The following COL27A1 variants were observed in gnomAD, a reference collection of about 807,000 sequenced individuals.
The protein encoded by COL27A1 is collagen type XXVII alpha 1 chain.
Under a neutral mutation model 251.3 loss-of-function variants are expected in COL27A1, and 106 were observed. The ratio of observed to expected loss-of-function variants is 0.42; its 90% CI spans 0.36 to 0.50. The LOEUF (loss-of-function observed/expected upper bound fraction) is 0.50. Among genes scored for constraint, COL27A1 ranks in the 20% least tolerant of loss-of-function variants. The pLI, the probability that COL27A1 is intolerant of heterozygous loss-of-function variation, is 0.00. For synonymous variants in COL27A1, 1,000 were observed against 986.3 expected, an observed-to-expected ratio of 1.01 and a Z score of -0.26; for missense variants, 2,325 against 2,522.8, an observed-to-expected ratio of 0.92 and a Z score of 1.68.
chr9:114,163,975 G>A (rs73656004), intron 2 of COL27A1, among the ~76,000 whole-genome samples: 20,433 of 152,054 alleles, frequency 0.13, 1,725 homozygotes, highest in East Asian at 0.38. Context: ...TCATTCCCCT[G>A]TCCCCCATCT....
chr9:114,228,013 G>A (rs1276409024), intron 14 of COL27A1, among the ~76,000 whole-genome samples: 1 of 152,118 alleles, frequency 6.6e-6, no homozygotes, highest in Non-Finnish European at 1.5e-5. Context: ...ACCTTCTCCG[G>A]GTGTGGCCTG....
intron 37 of COL27A1, among the ~76,000 whole-genome samples, chr9:114,278,816 G>T (rs1835726092): frequency 6.6e-6 from 1 of 151,960 alleles, no homozygotes; most frequent in South Asian, 2.1e-4. Flanking sequence ...GAGTCTCTTT[G>T]GCATCAGGAT....
chr9:114,217,975 G>A (rs1040890826), intron 12 of COL27A1: 5 of 373,282 alleles, frequency 1.3e-5, no homozygotes, highest in African/African-American at 4.2e-5. Context: ...TTAGCCAGGT[G>A]TAGTGGTGTG....
At chr9:114,166,266 TCCATCCAC>T (rs376023106) in intron 2 of COL27A1, among the ~76,000 whole-genome samples, 34,651 of 146,052 alleles carry the variant, frequency 0.24, 4,273 homozygotes, top group Middle Eastern at 0.33. Context: ...TGTCCATCCA[TCCATCCAC>T]CCATCCATCC....
At chr9:114,224,188 C>G (rs7873541) in intron 14 of COL27A1, among the ~76,000 whole-genome samples, 89,616 of 152,096 alleles carry the variant, frequency 0.59, 28,344 homozygotes, top group South Asian at 0.8. Flanking sequence ...AATTCGAGAA[C>G]TCTCTAGAAG....
intron 23 of COL27A1, among the ~76,000 whole-genome samples, chr9:114,245,152 T>C (rs1055175265): frequency 5.5e-5 from 7 of 126,658 alleles, no homozygotes; most frequent in African/African-American, 2.1e-4. Flanking sequence ...ATTCTTGTTT[T>C]TTTTTTTTTT....
At position 114,258,568 on chromosome 9, in the gene COL27A1, G is replaced by A. The variant is rs542176440; in HGVS notation, c.3169G>A (p.Gly1057Ser). 6.2e-7 allele frequency: 1 copy of A among 1,614,146 alleles called. No homozygotes were observed. Among genetic ancestry groups the A allele is most frequent in the South Asian group, 1.1e-5 (1 of 91,052 alleles). ...TCCTCCAGGATCTCGAGGCCCACCAGGCATGAGGGGAGCAAAGGGACGTCG... is the reference window on the plus strand; with the variant it reads ...TCCTCCAGGATCTCGAGGCCCACCAAGCATGAGGGGAGCAAAGGGACGTCG... The part of the protein sequence containing the change: ...QGPPGSRGPP[G>S]MRGAKGRRGP... The change falls in exon 28 of 61, where the codon GGC becomes AGC. Residue 1057 changes from glycine to serine, a missense_variant. This residue lies in a region of COL27A1 where 662 missense variants were observed against 795.3 expected (regional missense o/e 0.83). Transcript: ENST00000356083.
chr9:114,259,800 G>A (rs1834185285), intron 28 of COL27A1, among the ~76,000 whole-genome samples: 1 of 152,206 alleles, frequency 6.6e-6, no homozygotes, highest in Non-Finnish European at 1.5e-5. Context: ...GGTGCAGGTG[G>A]TGCCGGCAGC....
At position 114,233,909 on chromosome 9, in the gene COL27A1, G is replaced by A. The variant is rs564651661; in HGVS notation, c.2566-1690G>A. On this transcript the variant is annotated intron_variant, in intron 16 of 60. Transcript: ENST00000356083. ...GGGAGGAGCCTTAAGGCTGTGTTCC[G>A]ATCAGCCACGCACACATCCGTGTCC... is the stretch of plus-strand genomic sequence containing the variant. Among the ~76,000 whole-genome samples the A allele has an allele frequency of 4.6e-5, 7 of 152,230 alleles. No individual in the cohort carries two copies. The South Asian group carries it at 1.2e-3, about 27-fold the overall frequency.
chr9:114,157,341 A>G (rs1848192603), intron 1 of COL27A1, among the ~76,000 whole-genome samples: 1 of 152,208 alleles, frequency 6.6e-6, no homozygotes, highest in South Asian at 2.1e-4. Flanking sequence ...CTCTGGCGCC[A>G]GCATACCTCT....
chr9:114,223,311 C>T (rs1313308555), intron 14 of COL27A1, among the ~76,000 whole-genome samples: 1 of 152,192 alleles, frequency 6.6e-6, no homozygotes. Context: ...TCCAGCTTTA[C>T]CACTCCAGCA....
chr9:114,301,893 G>A (rs545140261), intron 55 of COL27A1, among the ~76,000 whole-genome samples, 176 bp downstream of exon 55: 2 of 152,272 alleles, frequency 1.3e-5, no homozygotes, highest in East Asian at 1.9e-4. Flanking sequence ...CCTACGTGGG[G>A]TAACACCTAG....
rs956232162 is a variant in COL27A1 at position 114,288,725 on chromosome 9, C to T, written c.4068C>T (p.Asp1356=). The change falls in exon 43 of 61, where the codon GAC becomes GAT. Residue 1356 remains aspartate (D), a synonymous_variant. Coordinates refer to ENST00000356083, the MANE Select transcript of COL27A1 (RefSeq NM_032888.4). The part of the protein sequence containing the change: ...GDRGPVGDRG[D]RGEPGDPGYP... Reference sequence around the variant, plus strand: ...AGGGCCCTGTGGGTGATCGAGGAGACCGCGGGGAACCGGGAGACCCTGGGT... The same window carrying T: ...AGGGCCCTGTGGGTGATCGAGGAGATCGCGGGGAACCGGGAGACCCTGGGT... The T allele has an allele frequency of 6.8e-6, 11 of 1,610,478 alleles. No individual in the cohort carries two copies. In the East Asian group the frequency reaches 2.0e-4, roughly 29 times the overall value.
chr9:114,199,938 A>G (rs1269761834), intron 7 of COL27A1, among the ~76,000 whole-genome samples: 6 of 152,064 alleles, frequency 3.9e-5, no homozygotes, highest in African/African-American at 1.4e-4. Flanking sequence ...CAAAACTGCT[A>G]CTCAAATCAA....
intron 23 of COL27A1, among the ~76,000 whole-genome samples, chr9:114,245,404 G>C (rs1216842724): frequency 6.6e-6 from 1 of 152,110 alleles, no homozygotes; most frequent in East Asian, 1.9e-4. Flanking sequence ...TGATTCGCCT[G>C]CCTCGGGTTC....
intron 19 of COL27A1, among the ~76,000 whole-genome samples, chr9:114,239,515 A>G (rs1159817045): frequency 2.6e-5 from 4 of 152,200 alleles, no homozygotes; most frequent in African/African-American, 7.2e-5. Flanking sequence ...CAGGTCTCCA[A>G]ATTGTGCAAA....
chr9:114,236,177 TC>T (rs951569819), intron 17 of COL27A1, among the ~76,000 whole-genome samples: 3 of 152,032 alleles, frequency 2.0e-5, no homozygotes, highest in Non-Finnish European at 4.4e-5. Context: ...GAGCCCTTTT[TC>T]CCCACCTGCT....
chr9:114,191,210 G>T (rs1828723654), intron 5 of COL27A1, among the ~76,000 whole-genome samples: 2 of 151,980 alleles, frequency 1.3e-5, no homozygotes, highest in Admixed American at 1.3e-4. Flanking sequence ...AAGAGTTCAG[G>T]CTCTGGAACC....
At position 114,304,720 on chromosome 9, in the gene COL27A1, C is replaced by G. The variant is rs745866407; in HGVS notation, c.4938+47C>G. The stretch of plus-strand genomic sequence containing the variant: ...ATGTGGGATCCCTTCCTGGGAGAAA[C>G]GCAAATAGATAATGGCCCACATGTG... On this transcript the variant is annotated intron_variant, in intron 57 of 60. Transcript: ENST00000356083. The G allele has an allele frequency of 7.2e-5, 111 of 1,534,100 alleles. 2 individuals are homozygous for G. The highest frequency in any genetic ancestry group is 6.6e-4 in the South Asian group (59 of 89,376).
Sources: gnomAD v4.1 joint callset for allele counts (sites outside exome capture counted in the v4.1 genomes callset) on GRCh38, gnomAD v4.1.1 for gene constraint, gnomAD v4.1.1 regional missense constraint, MANE v1.5 for transcripts, NCBI Gene and HGNC (gene_info 2026-07-23, HGNC 2026-07-21) for gene names.